The following HMGCLL1 variants were observed in gnomAD, a reference collection of about 807,000 sequenced individuals.
HMGCLL1 encodes the protein 3-hydroxy-3-methylglutaryl-CoA lyase like 1.
A neutral mutation model predicts 39.1 loss-of-function variants in HMGCLL1; 36 were observed. That is an observed-to-expected ratio of 0.92 (90% CI 0.71 to 1.22). HMGCLL1 has a LOEUF of 1.22. Ranked by LOEUF, HMGCLL1 falls within the 50% of genes most tolerant of loss-of-function variation. The probability of loss-of-function intolerance (pLI) is 0.00; values close to 1 mark genes in which losing one functional copy is unlikely to be tolerated. For synonymous variants in HMGCLL1, 149 were observed against 144.0 expected, an observed-to-expected ratio of 1.03 and a Z score of -0.25; for missense variants, 451 against 416.5, an observed-to-expected ratio of 1.08 and a Z score of -0.72.
chr6:55,535,879 G>A (rs939069093), intron 3 of HMGCLL1, among the ~76,000 whole-genome samples: 4 of 151,972 alleles, frequency 2.6e-5, no homozygotes, highest in South Asian at 2.1e-4. Context: ...CAGCCCCTTC[G>A]TGCACCCTCA....
the HMGCLL1 span, among the ~76,000 whole-genome samples, chr6:55,587,971 C>T: frequency 6.6e-6 from 1 of 152,150 alleles, no homozygotes; most frequent in South Asian, 2.1e-4. Context: ...TTTAACACCG[C>T]ACTGTCAACA....
At chr6:55,621,699 TATA>T in the HMGCLL1 span, among the ~76,000 whole-genome samples, 1 of 152,114 alleles carries the variant, frequency 6.6e-6, no homozygotes, top group East Asian at 1.9e-4. Flanking sequence ...CATATTACAG[TATA>T]ATAATAACAG....
chr6:55,522,513 A>C (rs2127442591), intron 3 of HMGCLL1, among the ~76,000 whole-genome samples: 1 of 152,116 alleles, frequency 6.6e-6, no homozygotes, highest in South Asian at 2.1e-4. Context: ...GAAGTACATA[A>C]GGAACTGAGA....
the HMGCLL1 span, among the ~76,000 whole-genome samples, chr6:55,603,617 T>C: frequency 6.6e-6 from 1 of 152,142 alleles, no homozygotes; most frequent in Non-Finnish European, 1.5e-5. Context: ...TACTCAATTT[T>C]ATGTCACCAC....
intron 1 of HMGCLL1, among the ~76,000 whole-genome samples, chr6:55,556,955 T>C (rs1770710298): frequency 6.6e-6 from 1 of 152,122 alleles, no homozygotes; most frequent in Non-Finnish European, 1.5e-5. Flanking sequence ...CAGTCCCAAA[T>C]GTAATAAAAA....
chr6:55,572,988 A>C (rs1341170863), intron 1 of HMGCLL1, among the ~76,000 whole-genome samples: 3 of 152,180 alleles, frequency 2.0e-5, no homozygotes, highest in Non-Finnish European at 4.4e-5. Context: ...AGCAACTGAG[A>C]AGCCAAAACC....
the HMGCLL1 span, among the ~76,000 whole-genome samples, chr6:55,659,579 A>G: frequency 2.0e-5 from 3 of 151,894 alleles, no homozygotes; most frequent in Non-Finnish European, 2.9e-5. Context: ...CAGACTTCTC[A>G]TATCTATCAT....
chr6:55,497,585 G>A (rs1377608032), intron 6 of HMGCLL1, among the ~76,000 whole-genome samples: 1 of 152,004 alleles, frequency 6.6e-6, no homozygotes, highest in Non-Finnish European at 1.5e-5. Context: ...CCCTACTGAG[G>A]AATAAATAAA....
At chr6:55,460,958 T>A (rs1467165052) in intron 7 of HMGCLL1, among the ~76,000 whole-genome samples, 1 of 151,970 alleles carries the variant, frequency 6.6e-6, no homozygotes, top group African/African-American at 2.4e-5. Context: ...AGGAGACATA[T>A]AAAATATAAG....
intron 7 of HMGCLL1, among the ~76,000 whole-genome samples, chr6:55,469,342 T>G (rs1424051096): frequency 1.3e-5 from 2 of 149,468 alleles, no homozygotes; most frequent in Non-Finnish European, 3.0e-5. Flanking sequence ...ATCCTAAAGG[T>G]CACTTACTGA....
the HMGCLL1 span, among the ~76,000 whole-genome samples, chr6:55,667,477 T>A: frequency 6.6e-6 from 1 of 151,728 alleles, no homozygotes; most frequent in Non-Finnish European, 1.5e-5. Context: ...AGAAGCTAAG[T>A]AATTTATCCA....
chr6:55,626,880 C>A, the HMGCLL1 span, among the ~76,000 whole-genome samples: 1 of 151,804 alleles, frequency 6.6e-6, no homozygotes, highest in East Asian at 1.9e-4. Flanking sequence ...GTTCACTACT[C>A]AATGTAGGTA....
chr6:55,527,714 A>C (rs931697862), intron 3 of HMGCLL1, among the ~76,000 whole-genome samples: 1 of 152,076 alleles, frequency 6.6e-6, no homozygotes, highest in Non-Finnish European at 1.5e-5. Context: ...CATATATTGA[A>C]GTTCTACATA....
chr6:55,523,499 T>C (rs1430645083), intron 3 of HMGCLL1, among the ~76,000 whole-genome samples: 2 of 152,006 alleles, frequency 1.3e-5, no homozygotes, highest in African/African-American at 4.8e-5. Context: ...CACATGGCGA[T>C]TGGAATACCA....
chr6:55,591,444 G>T, the HMGCLL1 span, among the ~76,000 whole-genome samples: 2 of 151,844 alleles, frequency 1.3e-5, no homozygotes, highest in African/African-American at 4.8e-5. Context: ...TGCCTGGTGG[G>T]GGTGGGACTT....
the HMGCLL1 span, among the ~76,000 whole-genome samples, chr6:55,595,728 C>T: frequency 1.3e-5 from 2 of 151,956 alleles, no homozygotes; most frequent in Non-Finnish European, 2.9e-5. Context: ...TTGGGAAACA[C>T]AAATAATTCA....
chr6:55,633,139 C>T, the HMGCLL1 span, among the ~76,000 whole-genome samples: 1 of 152,082 alleles, frequency 6.6e-6, no homozygotes, highest in African/African-American at 2.4e-5. Context: ...GCAAGTGACT[C>T]ACTAGCCCAC....
chr6:55,535,058 T>C (rs1464301073), intron 3 of HMGCLL1, among the ~76,000 whole-genome samples: 7 of 152,226 alleles, frequency 4.6e-5, no homozygotes, highest in Non-Finnish European at 8.8e-5. Flanking sequence ...ACATATTTTA[T>C]CTATGTGGAT....
intron 1 of HMGCLL1, among the ~76,000 whole-genome samples, chr6:55,571,808 C>CAAAAAAT (rs751022560): frequency 6.6e-6 from 1 of 151,412 alleles, no homozygotes; most frequent in African/African-American, 2.4e-5. Flanking sequence ...GACTCCATCT[C>CAAAAAAT]AAAAAATAAA....
Sources: allele counts gnomAD v4.1 joint callset (sites outside exome capture counted in the v4.1 genomes callset), GRCh38; gene constraint gnomAD v4.1.1; transcripts MANE v1.5; gene names NCBI Gene and HGNC (gene_info 2026-07-23, HGNC 2026-07-21).